Variants in HELZ observed in about 807,000 individuals in gnomAD.
HELZ encodes the protein helicase with zinc finger, also known as ATP-dependent RNA helicase with zinc finger domain.
In HELZ, 23 loss-of-function variants were observed where a neutral mutation model predicts 218.2. The observed-to-expected ratio is 0.11, with a 90% CI of 0.08 to 0.15. The LOEUF (loss-of-function observed/expected upper bound fraction) is 0.15, where lower values mean the gene tolerates loss of function less well. HELZ is among the 10% of genes least tolerant of loss of function. The probability of loss-of-function intolerance (pLI) is 1.00; values close to 1 mark genes in which losing one functional copy is unlikely to be tolerated. For synonymous variants in HELZ, 814 were observed against 829.4 expected (o/e 0.98, Z 0.32); for missense variants, 1,813 against 2,353.7 (o/e 0.77, Z 4.75).
chr17:67,140,144 G>C (rs2038277261), intron 21 of HELZ, among the ~76,000 whole-genome samples: 1 of 152,186 alleles, frequency 6.6e-6, no homozygotes, highest in African/African-American at 2.4e-5. Flanking sequence ...CTGCAGAAGA[G>C]CCACACTTGG....
Position 67,109,680 on chromosome 17 carries a change from A to T in HELZ, c.3925T>A (p.Leu1309Met), listed in dbSNP as rs2037220473. ...KKPTEPKQVD[L>M]ESNPQNRSPE... ...CTTCTGTTCTGTGGATTTGATTCCA[A>T]ATCAACCTAGAAAAAAAGAAGAAGC... The change falls in exon 29 of 33, where the codon TTG becomes ATG. Residue 1309 changes from leucine (L) to methionine (M), a missense_variant. Coordinates refer to ENST00000358691, the MANE Select transcript of HELZ (RefSeq NM_014877.4). 1 of 1,599,600 alleles carries T rather than the reference A, an allele frequency of 6.3e-7. No individual in the cohort carries two copies. Among genetic ancestry groups the T allele is most frequent in the African/African-American group, 1.3e-5 (1 of 74,210 alleles).
intron 3 of HELZ, among the ~76,000 whole-genome samples, chr17:67,237,209 C>G (rs756918221): frequency 3.3e-5 from 5 of 151,838 alleles, no homozygotes; most frequent in Admixed American, 6.6e-5. Context: ...CGCTTGAACC[C>G]AGGAGGCAGA....
chr17:67,245,307 G>A (rs1458622787), upstream of HELZ: 4 of 849,308 alleles, frequency 4.7e-6, no homozygotes, highest in Non-Finnish European at 5.7e-6. Flanking sequence ...CCGGAAAGTT[G>A]CCCCGGGTGG....
chr17:67,119,882 A>G (rs932279190), intron 27 of HELZ: 1 of 386,896 alleles, frequency 2.6e-6, no homozygotes, highest in African/African-American at 2.2e-5. Context: ...AAGTGGTAGG[A>G]TTTAACCTAA....
intron 31 of HELZ, among the ~76,000 whole-genome samples, chr17:67,094,333 A>AAAGAGAGAGAGAGAG (rs528061407): frequency 1.2e-4 from 18 of 146,630 alleles, no homozygotes; most frequent in African/African-American, 4.5e-4. Context: ...AAAAAAAAAA[A>AAAGAGAGAGAGAGAG]AGAGAGAGAG....
In HELZ at chr17:67,195,428, A is replaced by G; in HGVS notation, c.472T>C (p.Leu158=). ...AGCATTTGGCACTTACCCTCATCTA[A>G]GTCTTCCACGTGATATCCAGAGAGG... ...NALSGYHVED[L]DEGSCNGWHF... is the part of the protein sequence containing the mutation. Residue 158 remains leucine (L), a synonymous_variant, in exon 8 of 33, where the codon TTA becomes CTA. Transcript: ENST00000358691. 6.2e-7 allele frequency: 1 copy of G among 1,602,024 alleles called. No homozygotes were observed.
At chr17:67,240,710 C>T (rs1046216933) in intron 2 of HELZ, among the ~76,000 whole-genome samples, 5 of 152,164 alleles carry the variant, frequency 3.3e-5, no homozygotes, top group South Asian at 2.1e-4. Context: ...AAGAACCTGA[C>T]GATGAATCAA....
In HELZ at chr17:67,079,941, T is replaced by C. The variant is rs552456308; in HGVS notation, c.5495-1355A>G. On this transcript the variant is annotated intron_variant, in intron 32 of 32. Transcript: ENST00000358691. Reference sequence around the variant, plus strand: ...AAGAATACTATTCTTTTGTCATATGTTGCAAATATTTTTACCTGTTTTGTG... The same window carrying C: ...AAGAATACTATTCTTTTGTCATATGCTGCAAATATTTTTACCTGTTTTGTG... Among the ~76,000 whole-genome samples, 28 of 152,362 alleles carry C rather than the reference T, an allele frequency of 1.8e-4. No homozygotes were observed. The East Asian group carries it at 5.2e-3, about 28-fold the overall frequency.
chr17:67,190,374 A>C lies in HELZ; in HGVS notation c.558-19T>G. On this transcript the variant is annotated intron_variant, in intron 9 of 32. Transcript: ENST00000358691. ...TAAAAATCTAAGTAGAATAGGAAAG[A>C]CTGTTTTATCATATACTTTGTTGAA... 1 of 1,569,936 alleles carries C rather than the reference A, an allele frequency of 6.4e-7. No homozygotes were observed. The highest frequency in any genetic ancestry group is 8.8e-7 in the Non-Finnish European group (1 of 1,140,054).
chr17:67,212,501 T>C (rs1331500707), intron 5 of HELZ, among the ~76,000 whole-genome samples: 3 of 151,876 alleles, frequency 2.0e-5, no homozygotes, highest in African/African-American at 4.8e-5. Flanking sequence ...TAGTACTTCA[T>C]CTTATACAAA....
At chr17:67,079,693 C>T (rs2036128585) in intron 32 of HELZ, among the ~76,000 whole-genome samples, 2 of 152,214 alleles carry the variant, frequency 1.3e-5, no homozygotes, top group African/African-American at 2.4e-5. Context: ...CATTGCCTTA[C>T]CCAATCACAG....
At chr17:67,244,979 G>T in intron 1 of HELZ, 169 bp downstream of exon 1, 1 of 985,806 alleles carries the variant, frequency 1.0e-6, no homozygotes, top group Non-Finnish European at 1.2e-6. Flanking sequence ...TCGCCTCGAA[G>T]AGCCGCGCTT....
At chr17:67,119,198 T>C (rs2037522033) in intron 27 of HELZ, among the ~76,000 whole-genome samples, 1 of 152,206 alleles carries the variant, frequency 6.6e-6, no homozygotes, top group South Asian at 2.1e-4. Flanking sequence ...TTCACATGTA[T>C]GTTCACAGCA....
chr17:67,122,498 A>T (rs1419126661), intron 26 of HELZ, among the ~76,000 whole-genome samples: 1 of 152,114 alleles, frequency 6.6e-6, no homozygotes, highest in South Asian at 2.1e-4. Context: ...GTGAGCCAAG[A>T]TCACGCCACA....
rs2040860307 is a variant in HELZ, at chr17:67,225,310, T to TA, written c.-18-6489dup. On this transcript the variant is annotated intron_variant, in intron 3 of 32. Coordinates refer to ENST00000358691, the MANE Select transcript of HELZ (RefSeq NM_014877.4). Reference sequence around the variant, plus strand: ...AGATGAGGAAACTGAAGCACAGAGTTAACTTATCCAGTTACACTGTAAACG... The same window carrying TA: ...AGATGAGGAAACTGAAGCACAGAGTTAAACTTATCCAGTTACACTGTAAACG... 11 of 196,826 alleles carry TA rather than the reference T, an allele frequency of 5.6e-5. No individual in the cohort carries two copies. The South Asian group carries it at 9.5e-4, about 17-fold the overall frequency. The allele number at this position is 196,826 out of a possible 1,614,324, so 12.2% of individuals were successfully genotyped here. A position where few individuals can be genotyped will look rare whatever the true frequency, so the allele number is the denominator to read the frequency against.
intron 27 of HELZ, among the ~76,000 whole-genome samples, chr17:67,114,949 GCA>G (rs1047108575): frequency 2.0e-5 from 3 of 152,118 alleles, no homozygotes; most frequent in African/African-American, 7.2e-5. Context: ...TTTTAAAAAA[GCA>G]CAGTTATAAT....
intron 7 of HELZ, among the ~76,000 whole-genome samples, chr17:67,200,214 A>G (rs1413366840): frequency 1.3e-5 from 2 of 152,208 alleles, no homozygotes; most frequent in Non-Finnish European, 2.9e-5. Context: ...AGGACATCTA[A>G]AAATAAAAAT....
chr17:67,229,391 A>G (rs2143413498), intron 3 of HELZ, among the ~76,000 whole-genome samples: 1 of 152,216 alleles, frequency 6.6e-6, no homozygotes, highest in East Asian at 1.9e-4. Context: ...ATGCTTCAAC[A>G]TCTACTTCTC....
intron 5 of HELZ, among the ~76,000 whole-genome samples, chr17:67,213,135 C>T (rs2040500682): frequency 1.3e-5 from 2 of 152,130 alleles, no homozygotes; most frequent in African/African-American, 2.4e-5. Context: ...TTTGTTTGTA[C>T]ATCTCCAAAA....
Sources: allele counts gnomAD v4.1 joint callset (sites outside exome capture counted in the v4.1 genomes callset), GRCh38; gene constraint gnomAD v4.1.1; transcripts MANE v1.5; gene names NCBI Gene and HGNC (gene_info 2026-07-23, HGNC 2026-07-21).